The following ASH1L variants were observed in gnomAD, a reference collection of about 807,000 sequenced individuals.
ASH1L encodes the protein ASH1 like histone lysine methyltransferase, also known as histone-lysine N-methyltransferase ASH1L.
In ASH1L, 23 loss-of-function variants were observed where a neutral mutation model predicts 269.0. The ratio of observed to expected loss-of-function variants is 0.09; its 90% CI spans 0.06 to 0.12. The LOEUF is 0.12. Among genes scored for constraint, ASH1L ranks in the 10% least tolerant of loss-of-function variants. The pLI, the probability that ASH1L is intolerant of heterozygous loss-of-function variation, is 1.00. For missense variants in ASH1L, 2,912 were observed against 3,567.8 expected, an observed-to-expected ratio of 0.82 and a Z score of 4.68; for synonymous variants, 1,187 against 1,253.5, an observed-to-expected ratio of 0.95 and a Z score of 1.12.
chr1:155,460,912 G>A (rs764905620), intron 3 of ASH1L, among the ~76,000 whole-genome samples: 16 of 152,140 alleles, frequency 1.1e-4, no homozygotes, highest in Non-Finnish European at 1.9e-4. Flanking sequence ...TGTTGTTGAT[G>A]TAAGATTATT....
At chr1:155,467,841 T>C (rs1389403428) in intron 3 of ASH1L, among the ~76,000 whole-genome samples, 1 of 152,208 alleles carries the variant, frequency 6.6e-6, no homozygotes, top group African/African-American at 2.4e-5. Context: ...ATTTGTATTC[T>C]GCTGTATTAA....
chr1:155,456,396 A>T (rs1407762030), intron 4 of ASH1L, among the ~76,000 whole-genome samples: 2 of 152,154 alleles, frequency 1.3e-5, no homozygotes, highest in African/African-American at 2.4e-5. Context: ...TTTCTGATCG[A>T]ACTCTTCTTG....
At chr1:155,339,138 A>G (rs182764953) in intron 26 of ASH1L, among the ~76,000 whole-genome samples, 190 bp downstream of exon 26, 46 of 152,300 alleles carry the variant, frequency 3.0e-4, no homozygotes, top group Middle Eastern at 3.4e-3. Flanking sequence ...TGTTGCTCCA[A>G]TTAAGGCTCC....
chr1:155,556,476 ACT>A (rs1173077150), intron 1 of ASH1L, among the ~76,000 whole-genome samples: 1 of 146,828 alleles, frequency 6.8e-6, no homozygotes, highest in Non-Finnish European at 1.5e-5. Flanking sequence ...ACAGAGTTTC[ACT>A]CTGTCACCCA....
At chr1:155,434,898 C>T (rs1372563116) in intron 5 of ASH1L, among the ~76,000 whole-genome samples, 2 of 152,010 alleles carry the variant, frequency 1.3e-5, no homozygotes, top group Non-Finnish European at 2.9e-5. Context: ...TGAGTCATGC[C>T]TGTAATCACA....
chr1:155,451,820 A>C (rs1248095656), intron 4 of ASH1L, among the ~76,000 whole-genome samples: 2 of 152,138 alleles, frequency 1.3e-5, no homozygotes, highest in African/African-American at 4.8e-5. Flanking sequence ...CTCCAAGTTC[A>C]TACGATTCTC....
rs1327264762 is a variant in ASH1L, at chr1:155,523,299, AGAC to A, written c.-99-1684_-99-1682del. ...TCTTTGAGCCCAGGAGTTTGAGACC[AGAC>A]TGGGCAACATGGCAAAATCCTGTCT... is the stretch of plus-strand genomic sequence containing the variant. On this transcript the variant is annotated intron_variant, in intron 1 of 27. Coordinates refer to ENST00000392403, the MANE Select transcript of ASH1L (RefSeq NM_018489.3). Among the ~76,000 whole-genome samples, 4 of 152,256 alleles carry A rather than the reference AGAC, an allele frequency of 2.6e-5. No homozygotes were observed. The East Asian group carries it at 7.7e-4, about 29-fold the overall frequency.
intron 21 of ASH1L, chr1:155,344,497 A>G: frequency 2.3e-6 from 1 of 439,332 alleles, no homozygotes; most frequent in Non-Finnish European, 4.1e-6. Context: ...ATGAAGCACT[A>G]ATTGTGTAGT....
chr1:155,466,540 T>C (rs1194288319), intron 3 of ASH1L, among the ~76,000 whole-genome samples: 2 of 152,230 alleles, frequency 1.3e-5, no homozygotes, highest in African/African-American at 4.8e-5. Context: ...TTTATAGGCA[T>C]ATCTTTTTTC....
chr1:155,548,660 T>C (rs1184881344), intron 1 of ASH1L, among the ~76,000 whole-genome samples: 2 of 152,246 alleles, frequency 1.3e-5, no homozygotes, highest in Non-Finnish European at 2.9e-5. Flanking sequence ...GATTCTCTTT[T>C]AGTTCTGGTA....
chr1:155,469,449 C>G (rs1664931267), intron 3 of ASH1L, among the ~76,000 whole-genome samples: 1 of 152,198 alleles, frequency 6.6e-6, no homozygotes, highest in Admixed American at 6.5e-5. Context: ...TCCCAAAGTT[C>G]TGGGATTACA....
intron 4 of ASH1L, among the ~76,000 whole-genome samples, chr1:155,446,717 G>A (rs1663064734): frequency 6.6e-6 from 1 of 150,978 alleles, no homozygotes; most frequent in South Asian, 2.1e-4. Flanking sequence ...CGCCTCCTGG[G>A]TTCACACCAT....
chr1:155,418,114 C>T (rs1055436809), intron 5 of ASH1L, among the ~76,000 whole-genome samples: 5 of 152,068 alleles, frequency 3.3e-5, no homozygotes, highest in African/African-American at 1.2e-4. Flanking sequence ...ATCACAATGT[C>T]TTGCATCCAA....
At chr1:155,546,916 G>A (rs577393011) in intron 1 of ASH1L, among the ~76,000 whole-genome samples, 2 of 150,406 alleles carry the variant, frequency 1.3e-5, no homozygotes, top group South Asian at 4.2e-4. Context: ...TACACTTTCT[G>A]GGAAAGACTA....
At chr1:155,431,222 A>G (rs1661572352) in intron 5 of ASH1L, among the ~76,000 whole-genome samples, 1 of 150,678 alleles carries the variant, frequency 6.6e-6, no homozygotes, top group African/African-American at 2.4e-5. Context: ...ACAAAAATAT[A>G]TATATATATA....
chr1:155,534,122 C>A (rs748951481), intron 1 of ASH1L, among the ~76,000 whole-genome samples: 7 of 149,440 alleles, frequency 4.7e-5, no homozygotes, highest in Non-Finnish European at 8.9e-5. Context: ...CTATAGTGAG[C>A]CATGGTGGTG....
rs2148844787 is a variant in ASH1L at position 155,521,704 on chromosome 1, G to A, written c.-99-86C>T. ...TAATGGGTATAGGGGAAGACAAGGA[G>A]GTCAACAACTACCCAAAAAAAAATC... On this transcript the variant is annotated intron_variant, in intron 1 of 27. Coordinates refer to ENST00000392403, the MANE Select transcript of ASH1L (RefSeq NM_018489.3). The A allele has an allele frequency of 8.6e-6, 4 of 465,514 alleles. No individual in the cohort carries two copies. The South Asian group carries it at 1.8e-4, about 21-fold the overall frequency. 28.8% of individuals were successfully genotyped at this position (465,514 alleles called of 1,614,324 possible). A position where few individuals can be genotyped will look rare whatever the true frequency, so the allele number is the denominator to read the frequency against.
chr1:155,460,963 T>C (rs1664256832), intron 3 of ASH1L, among the ~76,000 whole-genome samples: 1 of 152,230 alleles, frequency 6.6e-6, no homozygotes, highest in Non-Finnish European at 1.5e-5. Context: ...TTGGATTCTT[T>C]ATAATCTAAA....
In ASH1L at chr1:155,481,535, A is replaced by G; in HGVS notation, c.1335T>C (p.Asn445=). ...CAGAAAGTTCCTGACTTTCCTGATT[A>G]TTGATGTTTGTACTACAAGAAGCCT... The part of the protein sequence containing the change: ...PLKASCSTNI[N]NQESQELSES... The change falls in exon 3 of 28, where the codon AAT becomes AAC. Residue 445 remains asparagine (N), a synonymous_variant. Coordinates refer to ENST00000392403, the MANE Select transcript of ASH1L (RefSeq NM_018489.3). 2 of 1,614,120 alleles carry G rather than the reference A, an allele frequency of 1.2e-6. No individual in the cohort carries two copies. Among genetic ancestry groups the G allele is most frequent in the South Asian group, 1.1e-5 (1 of 91,078 alleles).
Sources: allele counts gnomAD v4.1 joint callset (sites outside exome capture counted in the v4.1 genomes callset), GRCh38; gene constraint gnomAD v4.1.1; transcripts MANE v1.5; gene names NCBI Gene and HGNC (gene_info 2026-07-23, HGNC 2026-07-21).